TMEM17: variants seen among roughly 807,000 people sequenced by gnomAD.
TMEM17 encodes transmembrane protein 17.
TMEM17 carries 15 observed loss-of-function variants against 19.1 expected under a neutral mutation model. The observed-to-expected ratio is 0.78, with a 90% CI of 0.52 to 1.21. The LOEUF is 1.21. Ranked by LOEUF, TMEM17 falls within the 50% of genes most tolerant of loss-of-function variation. The probability of loss-of-function intolerance (pLI) is 0.00; values close to 1 mark genes in which losing one functional copy is unlikely to be tolerated. For synonymous variants in TMEM17, 103 were observed against 86.9 expected (o/e 1.19, Z -1.03); for missense variants, 245 against 242.3 (o/e 1.01, Z -0.07).
chr2:62,505,282 A>T (rs1680036372), intron 1 of TMEM17, among the ~76,000 whole-genome samples: 1 of 152,182 alleles, frequency 6.6e-6, no homozygotes, highest in African/African-American at 2.4e-5. Flanking sequence ...TTCTGGAGGA[A>T]ACTGTGTTAT....
chr2:62,461,906 T>C, the TMEM17 span, among the ~76,000 whole-genome samples: 1 of 152,248 alleles, frequency 6.6e-6, no homozygotes, highest in Non-Finnish European at 1.5e-5. Flanking sequence ...CACTCAACAC[T>C]GCTGCCCTGC....
At chr2:62,454,478 G>T in the TMEM17 span, among the ~76,000 whole-genome samples, 1 of 152,112 alleles carries the variant, frequency 6.6e-6, no homozygotes, top group Non-Finnish European at 1.5e-5. Flanking sequence ...ATATAGCTGC[G>T]GTACAGGATG....
chr2:62,459,425 C>G, the TMEM17 span, among the ~76,000 whole-genome samples: 1 of 152,274 alleles, frequency 6.6e-6, no homozygotes, highest in African/African-American at 2.4e-5. Context: ...GTCATGGTGA[C>G]TTGCTGCTCG....
At chr2:62,491,100 A>C in the TMEM17 span, 1 of 152,052 alleles carries the variant, frequency 6.6e-6, no homozygotes, top group Non-Finnish European at 1.5e-5. Context: ...AAAAAAAAAA[A>C]AAAAACCTCT....
At chr2:62,472,888 T>A in the TMEM17 span, among the ~76,000 whole-genome samples, 1 of 152,216 alleles carries the variant, frequency 6.6e-6, no homozygotes, top group Non-Finnish European at 1.5e-5. Flanking sequence ...TGTGTCAAGG[T>A]GGCAATTAAA....
At chr2:62,482,360 A>T in the TMEM17 span, among the ~76,000 whole-genome samples, 1 of 152,236 alleles carries the variant, frequency 6.6e-6, no homozygotes. Flanking sequence ...TAAGTTATTT[A>T]ATCTCATCCT....
At chr2:62,478,277 A>G in the TMEM17 span, among the ~76,000 whole-genome samples, 3 of 152,220 alleles carry the variant, frequency 2.0e-5, no homozygotes, top group African/African-American at 7.2e-5. Flanking sequence ...AGTTCATGTG[A>G]CAGGATGGAA....
At chr2:62,458,991 T>G in the TMEM17 span, among the ~76,000 whole-genome samples, 2 of 152,232 alleles carry the variant, frequency 1.3e-5, no homozygotes, top group African/African-American at 4.8e-5. Flanking sequence ...CTAGGAACAT[T>G]TGTGTACGAC....
chr2:62,494,931 T>C, the TMEM17 span, among the ~76,000 whole-genome samples: 1 of 152,060 alleles, frequency 6.6e-6, no homozygotes, highest in Non-Finnish European at 1.5e-5. Flanking sequence ...AAGAGAATGG[T>C]GTGAACCTAG....
At chr2:62,491,475 AAAAC>A in the TMEM17 span, 14 of 152,974 alleles carry the variant, frequency 9.2e-5, no homozygotes, top group Non-Finnish European at 1.6e-4. Flanking sequence ...CTCTATTTAA[AAAAC>A]AAACAAACAA....
the TMEM17 span, among the ~76,000 whole-genome samples, chr2:62,487,000 T>C: frequency 4.9e-4 from 74 of 152,206 alleles, no homozygotes; most frequent in Non-Finnish European, 4.0e-4. Context: ...TCAGAATCCA[T>C]CTAGAACTTG....
At chr2:62,454,384 T>A in the TMEM17 span, among the ~76,000 whole-genome samples, 1,024 of 152,262 alleles carry the variant, frequency 6.7e-3, 16 homozygotes, top group African/African-American at 0.023. Context: ...TGTACTGGCT[T>A]CCATGTTGAG....
At chr2:62,497,712 G>A (rs756413658), downstream of TMEM17, among the ~76,000 whole-genome samples, 10 of 152,344 alleles carry the variant, frequency 6.6e-5, no homozygotes, top group South Asian at 1.0e-3. Context: ...GATTGAGTGC[G>A]TATTCATTTA....
the TMEM17 span, among the ~76,000 whole-genome samples, chr2:62,468,818 T>C: frequency 2.0e-5 from 3 of 152,200 alleles, no homozygotes; most frequent in African/African-American, 4.8e-5. Flanking sequence ...GGGGGATGGC[T>C]CAGAGGTGGG....
At chr2:62,459,659 G>A in the TMEM17 span, among the ~76,000 whole-genome samples, 3 of 152,224 alleles carry the variant, frequency 2.0e-5, no homozygotes, top group Non-Finnish European at 4.4e-5. Flanking sequence ...GTCTGCATAA[G>A]CTCCTAACCT....
the TMEM17 span, among the ~76,000 whole-genome samples, chr2:62,455,504 C>T: frequency 1.1e-4 from 17 of 152,330 alleles, no homozygotes; most frequent in South Asian, 2.1e-4. Flanking sequence ...CAGTGGCTCA[C>T]GCCTGTAATC....
At chr2:62,497,773 A>C (rs1679810641), downstream of TMEM17, among the ~76,000 whole-genome samples, 1 of 152,218 alleles carries the variant, frequency 6.6e-6, no homozygotes, top group Non-Finnish European at 1.5e-5. Flanking sequence ...AGTGAATGCT[A>C]AATGGTGTTG....
At chr2:62,459,898 A>G in the TMEM17 span, among the ~76,000 whole-genome samples, 2 of 152,232 alleles carry the variant, frequency 1.3e-5, no homozygotes, top group Non-Finnish European at 2.9e-5. Flanking sequence ...TTGGCCTCCA[A>G]GTAGTTGGGA....
At chr2:62,481,373 C>T in the TMEM17 span, among the ~76,000 whole-genome samples, 3 of 152,106 alleles carry the variant, frequency 2.0e-5, no homozygotes, top group East Asian at 1.9e-4. Flanking sequence ...TGTAAGATCA[C>T]GTTGTCTGCA....
Sources: gnomAD v4.1 joint callset for allele counts (sites outside exome capture counted in the v4.1 genomes callset) on GRCh38, gnomAD v4.1.1 for gene constraint, MANE v1.5 for transcripts, NCBI Gene and HGNC (gene_info 2026-07-23, HGNC 2026-07-21) for gene names.